Variants in CDK8 observed in about 807,000 individuals in gnomAD.
The protein encoded by CDK8 is cyclin-dependent kinase 8.
CDK8 carries 29 observed loss-of-function variants against 71.5 expected under a neutral mutation model. That is an observed-to-expected ratio of 0.41 (90% confidence interval 0.30 to 0.55). CDK8 has a LOEUF of 0.55. Ranked by LOEUF, CDK8 falls within the 20% of genes least tolerant of loss-of-function variation. The pLI is 0.37. For missense variants in CDK8, 288 were observed against 572.6 expected (o/e 0.50, Z 5.07); for synonymous variants, 161 against 192.1 (o/e 0.84, Z 1.34).
chr13:26,277,282 A>G (rs1872593819), intron 1 of CDK8, among the ~76,000 whole-genome samples: 2 of 152,190 alleles, frequency 1.3e-5, no homozygotes, highest in African/African-American at 4.8e-5. Flanking sequence ...GGTAAATAGT[A>G]AGTATTGTAT....
At chr13:26,393,322 C>A (rs779887937) in intron 6 of CDK8, 45 bp from the exon 7 acceptor site, 1 of 1,270,510 alleles carries the variant, frequency 7.9e-7, no homozygotes, top group Non-Finnish European at 1.1e-6. Flanking sequence ...TTTCTTTTTT[C>A]CTTGCCTATT....
chr13:26,393,138 A>G (rs1375171027), intron 6 of CDK8, among the ~76,000 whole-genome samples: 1 of 152,112 alleles, frequency 6.6e-6, no homozygotes, highest in African/African-American at 2.4e-5. Context: ...AGAATGAAAA[A>G]TCGGGGTGGA....
intron 3 of CDK8, among the ~76,000 whole-genome samples, chr13:26,352,775 T>A (rs1873736632): frequency 6.6e-6 from 1 of 152,246 alleles, no homozygotes; most frequent in Non-Finnish European, 1.5e-5. Context: ...AGAGTAAAGC[T>A]CCTTTATTCA....
rs1871851143 is a variant in CDK8 at position 26,263,186 on chromosome 13, A to ATC, written c.128+8417_128+8418insTC. 5.3e-5 allele frequency among the ~76,000 whole-genome samples: 8 copies of ATC among 151,788 alleles called. No homozygotes were observed. The South Asian group carries it at 1.7e-3, about 32-fold the overall frequency. The stretch of plus-strand genomic sequence containing the variant: ...AGTCTCGCTCTGTTGCCCAGGCTGG[A>ATC]GTGCAATGGCGCGATCTCCGCTCAC... On this transcript the variant is annotated intron_variant, in intron 1 of 12. Transcript: ENST00000381527.
At chr13:26,354,456 G>A (rs80000239) in intron 4 of CDK8, among the ~76,000 whole-genome samples, 8,996 of 152,172 alleles carry the variant, frequency 0.059, 892 homozygotes, top group African/African-American at 0.2. Flanking sequence ...AGTCATTTAT[G>A]CCTTTTTTCA....
intron 4 of CDK8, among the ~76,000 whole-genome samples, chr13:26,371,588 T>A (rs981207830): frequency 3.9e-5 from 6 of 152,160 alleles, no homozygotes; most frequent in African/African-American, 1.2e-4. Context: ...AGTTTGCCAA[T>A]TGTACAAAAA....
intron 1 of CDK8, among the ~76,000 whole-genome samples, chr13:26,285,508 G>A (rs1308423346): frequency 2.0e-5 from 3 of 152,278 alleles, no homozygotes; most frequent in Admixed American, 6.5e-5. Context: ...AATAAAAGCC[G>A]TCTGTGACAA....
At chr13:26,391,337 G>A (rs1479059801) in intron 6 of CDK8, among the ~76,000 whole-genome samples, 1 of 152,126 alleles carries the variant, frequency 6.6e-6, no homozygotes, top group Admixed American at 6.6e-5. Context: ...AAACTCCTGG[G>A]CTCAAGCGAT....
At position 26,349,016 on chromosome 13, in the gene CDK8, G is replaced by GT. The variant is rs1279012300; in HGVS notation, c.205-50dup. The stretch of plus-strand genomic sequence containing the variant: ...GCCTTTGAATTACAAATGGTGTGGG[G>GT]TTTTTTACATTATTTTTGTGACAGA... On this transcript the variant is annotated intron_variant, in intron 2 of 12. Coordinates refer to ENST00000381527, the MANE Select transcript of CDK8 (RefSeq NM_001260.3). 2.9e-6 allele frequency: 3 copies of GT among 1,038,454 alleles called. No individual in the cohort carries two copies. The East Asian group carries it at 7.1e-5, about 25-fold the overall frequency. The allele number at this position is 1,038,454 out of a possible 1,614,324, so 64.3% of individuals were successfully genotyped here. A position where few individuals can be genotyped will look rare whatever the true frequency, so the allele number is the denominator to read the frequency against.
At chr13:26,256,847 T>A (rs1871545786) in intron 1 of CDK8, among the ~76,000 whole-genome samples, 5 of 152,330 alleles carry the variant, frequency 3.3e-5, no homozygotes, top group Admixed American at 3.3e-4. Flanking sequence ...TGTGATGAAC[T>A]TCTATTTTTA....
At chr13:26,265,040 C>A (rs117977069) in intron 1 of CDK8, among the ~76,000 whole-genome samples, 1 of 152,238 alleles carries the variant, frequency 6.6e-6, no homozygotes, top group South Asian at 2.1e-4. Flanking sequence ...CATAAACATG[C>A]GAGTGTAGGT....
At chr13:26,368,530 G>C (rs1397370189) in intron 4 of CDK8, among the ~76,000 whole-genome samples, 1 of 152,192 alleles carries the variant, frequency 6.6e-6, no homozygotes, top group Admixed American at 6.5e-5. Flanking sequence ...CACCACGGAG[G>C]CTGAGACACA....
intron 1 of CDK8, among the ~76,000 whole-genome samples, chr13:26,290,782 A>G (rs1310363237): frequency 6.6e-6 from 1 of 152,102 alleles, no homozygotes; most frequent in Non-Finnish European, 1.5e-5. Flanking sequence ...AAATTTAGCA[A>G]TCAAAAGCAT....
Position 26,353,736 on chromosome 13 carries a change from T to G in CDK8, c.316-4T>G, listed in dbSNP as rs1873778309. 1 of 1,601,948 alleles carries G rather than the reference T, an allele frequency of 6.2e-7. No homozygotes were observed. Among genetic ancestry groups the G allele is most frequent in the Non-Finnish European group, 8.5e-7 (1 of 1,173,892 alleles). On this transcript the variant is annotated splice_polypyrimidine_tract_variant and splice_region_variant and intron_variant, in intron 3 of 12. Coordinates refer to ENST00000381527, the MANE Select transcript of CDK8 (RefSeq NM_001260.3). ...TTCTGTTGATATTTTTTTCTTTCTT[T>G]CAGCATATAATCAAGTTTCACAGAG...
intron 2 of CDK8, among the ~76,000 whole-genome samples, chr13:26,347,225 T>A (rs1873495832): frequency 6.6e-6 from 1 of 152,182 alleles, no homozygotes; most frequent in Non-Finnish European, 1.5e-5. Flanking sequence ...CACAAACCCA[T>A]GAAAATATGC....
chr13:26,333,232 T>G (rs1309202996), intron 1 of CDK8, among the ~76,000 whole-genome samples: 7 of 151,936 alleles, frequency 4.6e-5, no homozygotes, highest in Non-Finnish European at 8.8e-5. Flanking sequence ...CTCTACCTCC[T>G]GGGTTCAAGC....
chr13:26,290,881 C>G (rs1048180079), intron 1 of CDK8, among the ~76,000 whole-genome samples: 1 of 152,006 alleles, frequency 6.6e-6, no homozygotes, highest in African/African-American at 2.4e-5. Flanking sequence ...CTTTGGGAGG[C>G]CGAGGCAGGT....
intron 7 of CDK8, 68 bp from the exon 8 acceptor site, chr13:26,396,217 T>G (rs1244492021): frequency 1.5e-6 from 1 of 648,980 alleles, no homozygotes; most frequent in Non-Finnish European, 2.6e-6. Context: ...AACGTGGTAA[T>G]AACCTTTTTA....
In CDK8 at chr13:26,404,468, AG is replaced by A; in HGVS notation, c.*388del. 1 of 260,638 alleles carries A rather than the reference AG, an allele frequency of 3.8e-6. No individual in the cohort carries two copies. The highest frequency in any genetic ancestry group is 5.5e-5 in the East Asian group (1 of 18,340). 16.1% of individuals were successfully genotyped at this position (260,638 alleles called of 1,614,324 possible). A position where few individuals can be genotyped will look rare whatever the true frequency, so the allele number is the denominator to read the frequency against. On this transcript the variant is annotated 3_prime_UTR_variant, in exon 13 of 13. Coordinates refer to ENST00000381527, the MANE Select transcript of CDK8 (RefSeq NM_001260.3). ...AGTGTAACAACATTATCTGACCAAT[AG>A]TACACACACAGACACAAAGTTTAAC...
Sources: gnomAD v4.1 joint callset for allele counts (sites outside exome capture counted in the v4.1 genomes callset) on GRCh38, gnomAD v4.1.1 for gene constraint, MANE v1.5 for transcripts, NCBI Gene and HGNC (gene_info 2026-07-23, HGNC 2026-07-21) for gene names.